The following CDH13 variants were observed in gnomAD, a reference collection of about 807,000 sequenced individuals.
The protein encoded by CDH13 is cadherin-13.
Under a neutral mutation model 63.8 loss-of-function variants are expected in CDH13, and 24 were observed. The ratio of observed to expected loss-of-function variants is 0.38; its 90% CI spans 0.27 to 0.53. The LOEUF is 0.53. CDH13 is among the 20% of genes least tolerant of loss of function. The pLI is 0.85. For missense variants in CDH13, 1,049 were observed against 903.1 expected, an observed-to-expected ratio of 1.16 and a Z score of -2.07; for synonymous variants, 503 against 355.3, an observed-to-expected ratio of 1.42 and a Z score of -4.67.
At chr16:82,764,092 A>G (rs1202600994) in intron 1 of CDH13, among the ~76,000 whole-genome samples, 1 of 152,206 alleles carries the variant, frequency 6.6e-6, no homozygotes, top group African/African-American at 2.4e-5. Context: ...CAGACCGTAG[A>G]CCTGGCTTGT....
At chr16:83,268,006 G>C (rs550373216) in intron 5 of CDH13, among the ~76,000 whole-genome samples, 7 of 152,266 alleles carry the variant, frequency 4.6e-5, no homozygotes, top group African/African-American at 1.7e-4. Context: ...GAGAAGTTTA[G>C]AGGAGGATAC....
intron 1 of CDH13, among the ~76,000 whole-genome samples, chr16:82,641,828 T>G (rs1418485496): frequency 6.6e-6 from 1 of 152,170 alleles, no homozygotes; most frequent in African/African-American, 2.4e-5. Context: ...TGAGCTTATG[T>G]ACTGGCTGGG....
chr16:83,490,855 C>A (rs146485431), intron 7 of CDH13, among the ~76,000 whole-genome samples: 1 of 152,316 alleles, frequency 6.6e-6, no homozygotes, highest in African/African-American at 2.4e-5. Context: ...ACACGCTCAT[C>A]CATTTACTTG....
At chr16:83,464,660 C>T (rs951394126) in intron 6 of CDH13, among the ~76,000 whole-genome samples, 1 of 152,152 alleles carries the variant, frequency 6.6e-6, no homozygotes, top group African/African-American at 2.4e-5. Context: ...ACACCTGGCC[C>T]TCCTCTTATT....
At chr16:82,728,498 G>A (rs545757126) in intron 1 of CDH13, among the ~76,000 whole-genome samples, 1 of 152,162 alleles carries the variant, frequency 6.6e-6, no homozygotes, top group Admixed American at 6.5e-5. Context: ...TTACGCTGTA[G>A]TCTATTAAGT....
At chr16:82,899,386 A>G (rs1433914691) in intron 2 of CDH13, among the ~76,000 whole-genome samples, 3 of 152,216 alleles carry the variant, frequency 2.0e-5, no homozygotes, top group Admixed American at 6.5e-5. Flanking sequence ...GGTTTACGCA[A>G]AAGCCATGTT....
At chr16:83,471,353 C>T (rs1267160348) in intron 6 of CDH13, among the ~76,000 whole-genome samples, 1 of 145,532 alleles carries the variant, frequency 6.9e-6, no homozygotes, top group Non-Finnish European at 1.5e-5. Flanking sequence ...CAGCTCACTG[C>T]AACCTCCACC....
At chr16:83,707,890 C>T (rs965742189) in intron 10 of CDH13, among the ~76,000 whole-genome samples, 2 of 137,360 alleles carry the variant, frequency 1.5e-5, no homozygotes, top group African/African-American at 2.7e-5. Context: ...GAGGAGAAGG[C>T]AAGAATACTT....
intron 2 of CDH13, among the ~76,000 whole-genome samples, chr16:82,897,943 A>T (rs911358874): frequency 2.6e-5 from 4 of 152,214 alleles, no homozygotes; most frequent in East Asian, 3.8e-4. Context: ...GTTAATCTTT[A>T]TGCCTCTGAT....
intron 5 of CDH13, among the ~76,000 whole-genome samples, chr16:83,248,719 C>G (rs1016200835): frequency 6.6e-6 from 1 of 151,970 alleles, no homozygotes; most frequent in African/African-American, 2.4e-5. Context: ...CTCCAAGTTC[C>G]TTCCCTATCT....
intron 1 of CDH13, among the ~76,000 whole-genome samples, chr16:82,785,239 C>G (rs1033300272): frequency 6.6e-6 from 1 of 152,266 alleles, no homozygotes; most frequent in African/African-American, 2.4e-5. Context: ...AAATGTCTAA[C>G]ATGGGTTGGA....
intron 7 of CDH13, among the ~76,000 whole-genome samples, chr16:83,564,866 G>A (rs542985675): frequency 3.9e-5 from 6 of 152,320 alleles, no homozygotes; most frequent in Non-Finnish European, 7.3e-5. Context: ...GTCTGCCACA[G>A]CACAATTGTC....
intron 2 of CDH13, among the ~76,000 whole-genome samples, chr16:82,923,071 C>G (rs1490393131): frequency 2.6e-5 from 4 of 152,012 alleles, no homozygotes; most frequent in African/African-American, 7.2e-5. Flanking sequence ...AAAATGTTGA[C>G]ATAGAGACTC....
chr16:83,035,901 C>T (rs1261196424), intron 3 of CDH13, among the ~76,000 whole-genome samples: 2 of 152,124 alleles, frequency 1.3e-5, no homozygotes, highest in African/African-American at 2.4e-5. Flanking sequence ...ACAGCAATGA[C>T]CAACACTGAT....
chr16:83,787,727 G>A (rs922284772), intron 13 of CDH13, among the ~76,000 whole-genome samples: 12 of 152,208 alleles, frequency 7.9e-5, no homozygotes, highest in Non-Finnish European at 1.3e-4. Context: ...CAGATCACTT[G>A]AGGTCAGGAG....
intron 1 of CDH13, among the ~76,000 whole-genome samples, chr16:82,728,291 C>T (rs1396359317): frequency 6.6e-6 from 1 of 152,166 alleles, no homozygotes; most frequent in East Asian, 1.9e-4. Flanking sequence ...CTCAACCTGG[C>T]TTACAAGGCC....
At chr16:82,852,229 G>A (rs999360736) in intron 1 of CDH13, among the ~76,000 whole-genome samples, 9 of 152,192 alleles carry the variant, frequency 5.9e-5, no homozygotes, top group African/African-American at 2.2e-4. Context: ...GGATATATCT[G>A]TGATGTCAGT....
intron 3 of CDH13, among the ~76,000 whole-genome samples, chr16:83,116,102 C>T (rs990322162): frequency 6.6e-6 from 1 of 152,206 alleles, no homozygotes; most frequent in Non-Finnish European, 1.5e-5. Flanking sequence ...GGGGCAGGGA[C>T]AGACAAAACT....
At chr16:83,222,733 T>C (rs904314506) in intron 5 of CDH13, among the ~76,000 whole-genome samples, 1 of 151,868 alleles carries the variant, frequency 6.6e-6, no homozygotes, top group Non-Finnish European at 1.5e-5. Context: ...TCCAACTAGT[T>C]TACAAAGGAA....
Sources: gnomAD v4.1 joint callset for allele counts (sites outside exome capture counted in the v4.1 genomes callset) on GRCh38, gnomAD v4.1.1 for gene constraint, MANE v1.5 for transcripts, NCBI Gene and HGNC (gene_info 2026-07-23, HGNC 2026-07-21) for gene names.